The following EIF4ENIF1 variants were observed in gnomAD, a reference collection of about 807,000 sequenced individuals.
EIF4ENIF1 encodes the protein eukaryotic translation initiation factor 4E nuclear import factor 1, also known as eukaryotic translation initiation factor 4E transporter.
Under a neutral mutation model 110.5 loss-of-function variants are expected in EIF4ENIF1, and 23 were observed. That is an observed-to-expected ratio of 0.21 (90% CI 0.15 to 0.29). The LOEUF is 0.29. Ranked by LOEUF, EIF4ENIF1 falls within the 10% of genes least tolerant of loss-of-function variation. The probability of loss-of-function intolerance (pLI) is 1.00; values close to 1 mark genes in which losing one functional copy is unlikely to be tolerated. For synonymous variants in EIF4ENIF1, 440 were observed against 437.0 expected (o/e 1.01, Z -0.09); for missense variants, 1,031 against 1,221.1 (o/e 0.84, Z 2.32).
chr22:31,470,180 A>G (rs61675151), intron 3 of EIF4ENIF1, among the ~76,000 whole-genome samples: 10,450 of 75,298 alleles, frequency 0.14, 686 homozygotes, highest in East Asian at 0.45. Context: ...AAAAAAAAAA[A>G]AAAAGAAAAA....
At chr22:31,477,390 A>AAAAAAAAAAAAAAAAAAAAAAAG (rs1381135932) in intron 2 of EIF4ENIF1, among the ~76,000 whole-genome samples, 1 of 133,652 alleles carries the variant, frequency 7.5e-6, no homozygotes. Context: ...AAAACAAAAA[A>AAAAAAAAAAAAAAAAAAAAAAAG]AGAGAATTTG....
chr22:31,491,293 T>C (rs1230276300), upstream of EIF4ENIF1, among the ~76,000 whole-genome samples: 2 of 152,198 alleles, frequency 1.3e-5, no homozygotes, highest in African/African-American at 2.4e-5. Flanking sequence ...ACAGATGTTA[T>C]TATTTTAACA....
intron 2 of EIF4ENIF1, among the ~76,000 whole-genome samples, chr22:31,473,566 G>A (rs986234311): frequency 6.6e-6 from 1 of 152,076 alleles, no homozygotes; most frequent in African/African-American, 2.4e-5. Flanking sequence ...GACATTTCTA[G>A]AAAATATAGT....
Position 31,441,893 on chromosome 22 carries a change from A to C in EIF4ENIF1, c.2432T>G (p.Val811Gly). 1 of 1,614,164 alleles carries C rather than the reference A, an allele frequency of 6.2e-7. No homozygotes were observed. Among genetic ancestry groups the C allele is most frequent in the Non-Finnish European group, 8.5e-7 (1 of 1,180,018 alleles). ...TTPFLRPVHQ[V>G]PLVPHVPMVR... ...CATAGGGACATGGGGGACAAGGGGA[A>C]CTTGGTGGACAGGGCGGAGAAAAGG... The change falls in exon 17 of 19, where the codon GTT becomes GGT. Residue 811 changes from valine (V) to glycine (G), a missense_variant. Val to Gly is a moderately radical substitution (Grantham distance 109). Coordinates refer to ENST00000330125, the MANE Select transcript of EIF4ENIF1 (RefSeq NM_019843.4).
chr22:31,447,612 C>T (rs747718602), intron 13 of EIF4ENIF1, 47 bp from the exon 14 acceptor site: 2 of 1,543,738 alleles, frequency 1.3e-6, no homozygotes, highest in Non-Finnish European at 8.7e-7. Context: ...AAGGACACCA[C>T]ACTTTCTACA....
Position 31,447,511 on chromosome 22 carries a change from C to A in EIF4ENIF1, c.1903G>T (p.Asp635Tyr). ...AALEGLALPH[D>Y]LAVQAANFYQ... ...AAGTTTGCTGCCTGTACAGCAAGGT[C>A]ATGTGGCAAGGCCAGCCCTTCTAAA... Residue 635 changes from aspartate to tyrosine, a missense_variant, in exon 14 of 19, where the codon GAC (aspartate) becomes TAC (tyrosine). Asp to Tyr is a radical substitution (Grantham distance 160). Around this residue, in one of 3 missense-constraint regions of EIF4ENIF1, gnomAD observed 704 missense variants for 879.7 expected, o/e 0.80. Coordinates refer to ENST00000330125, the MANE Select transcript of EIF4ENIF1 (RefSeq NM_019843.4). 1 of 1,612,948 alleles carries A rather than the reference C, an allele frequency of 6.2e-7. No homozygotes were observed. Among genetic ancestry groups the A allele is most frequent in the South Asian group, 1.1e-5 (1 of 90,948 alleles).
chr22:31,459,575 T>C (rs2050929033), intron 6 of EIF4ENIF1, among the ~76,000 whole-genome samples: 1 of 151,972 alleles, frequency 6.6e-6, no homozygotes, highest in African/African-American at 2.4e-5. Flanking sequence ...TGTCACACTG[T>C]ATAATAGTAA....
At chr22:31,466,220 C>T (rs528657016) in intron 4 of EIF4ENIF1, among the ~76,000 whole-genome samples, 1 of 152,214 alleles carries the variant, frequency 6.6e-6, no homozygotes, top group African/African-American at 2.4e-5. Flanking sequence ...TAAGACCAGC[C>T]TGGCCAACAT....
chr22:31,489,390 C>CT (rs888013131), intron 1 of EIF4ENIF1: 2 of 152,130 alleles, frequency 1.3e-5, no homozygotes, highest in African/African-American at 4.8e-5. Flanking sequence ...ACCGTACTCA[C>CT]TGAGGGGCGG....
intron 16 of EIF4ENIF1, 67 bp downstream of exon 16, chr22:31,442,895 G>A: frequency 6.3e-7 from 1 of 1,586,714 alleles, no homozygotes; most frequent in Non-Finnish European, 8.6e-7. Flanking sequence ...AGGCTGGTCA[G>A]CGCTCAGGCC....
At chr22:31,450,858 C>CACAG (rs1306827056) in intron 10 of EIF4ENIF1, 1 of 151,966 alleles carries the variant, frequency 6.6e-6, no homozygotes, top group Non-Finnish European at 1.4e-5. Flanking sequence ...CACACACACA[C>CACAG]ACACACACAC....
chr22:31,454,559 G>A, intron 9 of EIF4ENIF1, 183 bp from the exon 10 acceptor site: 1 of 602,424 alleles, frequency 1.7e-6, no homozygotes, highest in Non-Finnish European at 2.9e-6. Context: ...CTAAGAGATG[G>A]CATAAACTAA....
chr22:31,454,592 A>G (rs930227974), intron 9 of EIF4ENIF1, among the ~76,000 whole-genome samples: 5 of 152,222 alleles, frequency 3.3e-5, no homozygotes, highest in African/African-American at 4.8e-5. Flanking sequence ...TAGATGCTAG[A>G]AACTGGGGGA....
chr22:31,442,286 C>G (rs865884572), intron 16 of EIF4ENIF1, among the ~76,000 whole-genome samples, 168 bp from the exon 17 acceptor site: 47 of 152,144 alleles, frequency 3.1e-4, no homozygotes, highest in African/African-American at 1.0e-3. Flanking sequence ...TAAACAGGAC[C>G]AGAAGATGAA....
chr22:31,488,919 T>C, intron 1 of EIF4ENIF1, 174 bp from the exon 2 acceptor site: 1 of 698,396 alleles, frequency 1.4e-6, no homozygotes, highest in Non-Finnish European at 2.3e-6. Context: ...TCATTGGTAC[T>C]CAGTTCTCTT....
intron 2 of EIF4ENIF1, among the ~76,000 whole-genome samples, chr22:31,480,418 A>C (rs542358247): frequency 2.0e-5 from 3 of 152,334 alleles, no homozygotes; most frequent in Admixed American, 2.0e-4. Context: ...TTCTGACATT[A>C]TGTAGAATTT....
At position 31,455,502 on chromosome 22, in the gene EIF4ENIF1, G is replaced by A. The variant is rs545466834; in HGVS notation, c.1100-187C>T. On this transcript the variant is annotated intron_variant, in intron 8 of 18. Coordinates refer to ENST00000330125, the MANE Select transcript of EIF4ENIF1 (RefSeq NM_019843.4). The stretch of plus-strand genomic sequence containing the variant: ...CAACCTCCGCCTGCCAGTTTCAAGC[G>A]ATTCTCCTGCCTCAGCCTCCTGAGT... Among the ~76,000 whole-genome samples the A allele has an allele frequency of 1.7e-4, 25 of 151,406 alleles. No individual in the cohort carries two copies. The South Asian group carries it at 4.2e-3, about 25-fold the overall frequency.
intron 3 of EIF4ENIF1, among the ~76,000 whole-genome samples, chr22:31,470,654 TA>T (rs1174550868): frequency 2.0e-5 from 3 of 151,664 alleles, no homozygotes; most frequent in Non-Finnish European, 4.4e-5. Context: ...TAAAGCATCA[TA>T]TTAATGTTCA....
intron 2 of EIF4ENIF1, chr22:31,479,469 A>G (rs2051728060): frequency 6.6e-6 from 1 of 151,916 alleles, no homozygotes; most frequent in African/African-American, 2.4e-5. Flanking sequence ...ATTTTAGTAT[A>G]TGTGCTGCCG....
Sources: allele counts gnomAD v4.1 joint callset (sites outside exome capture counted in the v4.1 genomes callset), GRCh38; gene constraint gnomAD v4.1.1; regional missense constraint gnomAD v4.1.1; transcripts MANE v1.5; gene names NCBI Gene and HGNC (gene_info 2026-07-23, HGNC 2026-07-21).